CDK14: variants seen among roughly 807,000 people sequenced by gnomAD.
CDK14 encodes cyclin dependent kinase 14, also known as cyclin-dependent kinase 14.
Under a neutral mutation model 60.7 loss-of-function variants are expected in CDK14, and 34 were observed. The ratio of observed to expected loss-of-function variants is 0.56; its 90% CI spans 0.43 to 0.75. The LOEUF is 0.75. CDK14 is among the 30% of genes least tolerant of loss of function. The pLI is 0.00. For missense variants in CDK14, 482 were observed against 564.1 expected (o/e 0.85, Z 1.47); for synonymous variants, 197 against 203.7 (o/e 0.97, Z 0.28).
chr7:91,053,113 C>A (rs1797439560), intron 11 of CDK14, among the ~76,000 whole-genome samples: 2 of 152,128 alleles, frequency 1.3e-5, no homozygotes, highest in South Asian at 4.1e-4. Context: ...TAAATCATTT[C>A]AGAAATAAAA....
intron 2 of CDK14, among the ~76,000 whole-genome samples, chr7:90,690,076 G>A (rs990774228): frequency 2.0e-5 from 3 of 152,080 alleles, no homozygotes; most frequent in Non-Finnish European, 2.9e-5. Context: ...TTTCTTCTGT[G>A]TACTTAACAA....
chr7:90,819,013 T>C (rs1010986897), intron 5 of CDK14, among the ~76,000 whole-genome samples: 2 of 152,138 alleles, frequency 1.3e-5, no homozygotes, highest in Non-Finnish European at 2.9e-5. Context: ...TATGGGCATT[T>C]TTTTAGTGAT....
chr7:90,781,953 G>T (rs1805345069), intron 4 of CDK14, among the ~76,000 whole-genome samples: 2 of 152,088 alleles, frequency 1.3e-5, no homozygotes, highest in African/African-American at 2.4e-5. Context: ...ATTCTGTGCA[G>T]AAAGTCATTG....
At chr7:90,781,356 T>A (rs2116931808) in intron 4 of CDK14, among the ~76,000 whole-genome samples, 1 of 152,234 alleles carries the variant, frequency 6.6e-6, no homozygotes, top group South Asian at 2.1e-4. Context: ...TTTTCTCCCA[T>A]TTTATGGGTT....
At chr7:90,662,301 C>G (rs1800880589) in intron 2 of CDK14, among the ~76,000 whole-genome samples, 1 of 152,170 alleles carries the variant, frequency 6.6e-6, no homozygotes, top group Non-Finnish European at 1.5e-5. Context: ...AGTCACAGAG[C>G]CCATGGGTGA....
At chr7:91,187,407 C>A (rs1473464038) in intron 14 of CDK14, among the ~76,000 whole-genome samples, 1 of 152,094 alleles carries the variant, frequency 6.6e-6, no homozygotes, top group Non-Finnish European at 1.5e-5. Flanking sequence ...ACCATTAATC[C>A]CATAATTATC....
intron 10 of CDK14, among the ~76,000 whole-genome samples, chr7:91,026,952 G>A (rs1049028084): frequency 6.6e-6 from 1 of 152,064 alleles, no homozygotes; most frequent in African/African-American, 2.4e-5. Flanking sequence ...TCCCCTCTTT[G>A]TTTCCTTGGT....
intron 5 of CDK14, among the ~76,000 whole-genome samples, chr7:90,823,850 C>T (rs1436300255): frequency 6.6e-6 from 1 of 152,182 alleles, no homozygotes; most frequent in East Asian, 1.9e-4. Context: ...CACATTTTCA[C>T]ATTGTTATTT....
intron 14 of CDK14, among the ~76,000 whole-genome samples, chr7:91,119,376 T>C (rs1402586290): frequency 6.6e-6 from 1 of 152,026 alleles, no homozygotes. Flanking sequence ...CCCAGCTACT[T>C]GGGAGGCTGA....
intron 14 of CDK14, among the ~76,000 whole-genome samples, chr7:91,198,854 A>G (rs1413279330): frequency 6.6e-6 from 1 of 152,242 alleles, no homozygotes; most frequent in African/African-American, 2.4e-5. Context: ...TTTGGAAAAA[A>G]GAAATCCACC....
chr7:90,757,005 C>G (rs1034961919), intron 4 of CDK14, among the ~76,000 whole-genome samples: 1 of 152,146 alleles, frequency 6.6e-6, no homozygotes, highest in African/African-American at 2.4e-5. Flanking sequence ...ATCTGGGTGG[C>G]TTAAGCTACA....
intron 6 of CDK14, among the ~76,000 whole-genome samples, chr7:90,875,528 CT>C (rs369561897): frequency 0.02 from 2,937 of 147,108 alleles, 95 homozygotes; most frequent in African/African-American, 0.065. Flanking sequence ...TATTTTCTGC[CT>C]TTTTTTTTTA....
chr7:90,873,713 T>C (rs571953096), intron 6 of CDK14, among the ~76,000 whole-genome samples: 60 of 152,364 alleles, frequency 3.9e-4, no homozygotes, highest in African/African-American at 1.4e-3. Flanking sequence ...CTTTTTTAGC[T>C]GATTCTTTCA....
chr7:90,960,056 T>C (rs1005499611), intron 9 of CDK14, among the ~76,000 whole-genome samples: 6 of 152,120 alleles, frequency 3.9e-5, no homozygotes, highest in African/African-American at 1.4e-4. Context: ...GAAGTGCAGA[T>C]GTAGCAAGCA....
At chr7:90,885,391 C>A (rs184933518) in intron 6 of CDK14, among the ~76,000 whole-genome samples, 14 of 152,210 alleles carry the variant, frequency 9.2e-5, no homozygotes, top group Non-Finnish European at 1.9e-4. Context: ...CCATCTCATG[C>A]CAGTCAGAAT....
At chr7:91,090,853 C>T (rs2116269186) in intron 12 of CDK14, among the ~76,000 whole-genome samples, 1 of 152,126 alleles carries the variant, frequency 6.6e-6, no homozygotes, top group East Asian at 1.9e-4. Context: ...AGGCGCTGGC[C>T]ATTTCACAGT....
intron 2 of CDK14, among the ~76,000 whole-genome samples, chr7:90,639,959 T>C (rs941457860): frequency 2.6e-5 from 4 of 152,128 alleles, no homozygotes; most frequent in African/African-American, 9.7e-5. Flanking sequence ...CGCCGGTTTT[T>C]AAGCCCGTAG....
At chr7:91,120,231 C>G (rs1799739784) in intron 14 of CDK14, among the ~76,000 whole-genome samples, 1 of 152,182 alleles carries the variant, frequency 6.6e-6, no homozygotes, top group South Asian at 2.1e-4. Context: ...CCAGTCAAAG[C>G]TGCTAGAACG....
intron 9 of CDK14, among the ~76,000 whole-genome samples, chr7:90,970,807 A>G (rs958859279): frequency 1.5e-4 from 23 of 152,134 alleles, no homozygotes; most frequent in African/African-American, 5.6e-4. Context: ...TACTGAGTTG[A>G]TTTTTTTATT....
Sources: allele counts gnomAD v4.1 joint callset (sites outside exome capture counted in the v4.1 genomes callset), GRCh38; gene constraint gnomAD v4.1.1; transcripts MANE v1.5; gene names NCBI Gene and HGNC (gene_info 2026-07-23, HGNC 2026-07-21).